Variants in XKR4 observed in about 807,000 individuals in gnomAD.
XKR4 encodes XK related 4, also known as XK-related protein 4.
XKR4 carries 12 observed loss-of-function variants against 53.9 expected under a neutral mutation model. That is an observed-to-expected ratio of 0.22 (90% confidence interval 0.14 to 0.36). The LOEUF is 0.36. Among genes scored for constraint, XKR4 ranks in the 10% least tolerant of loss-of-function variants. The pLI is 1.00. For missense variants in XKR4, 799 were observed against 859.5 expected (o/e 0.93, Z 0.88); for synonymous variants, 354 against 362.4 (o/e 0.98, Z 0.26).
intron 1 of XKR4, among the ~76,000 whole-genome samples, chr8:55,354,830 A>G (rs1009202967): frequency 6.6e-6 from 1 of 152,236 alleles, no homozygotes; most frequent in Non-Finnish European, 1.5e-5. Context: ...GAATTAGAAA[A>G]ATTCATAAAA....
chr8:55,306,126 A>C (rs1819295493), intron 1 of XKR4, among the ~76,000 whole-genome samples: 1 of 152,200 alleles, frequency 6.6e-6, no homozygotes, highest in Non-Finnish European at 1.5e-5. Context: ...GCTCCTAAAC[A>C]GAGATGAAAA....
chr8:55,420,483 G>T (rs61122696), intron 2 of XKR4, among the ~76,000 whole-genome samples: 11,861 of 138,920 alleles, frequency 0.085, 1,327 homozygotes, highest in African/African-American at 0.27. Flanking sequence ...CATGTCTTTG[G>T]AGGGACATGG....
intron 2 of XKR4, among the ~76,000 whole-genome samples, chr8:55,459,274 T>A (rs942057767): frequency 2.0e-5 from 3 of 151,970 alleles, no homozygotes; most frequent in Non-Finnish European, 4.4e-5. Context: ...TAAAAACTAC[T>A]CCAAAATAGA....
intron 1 of XKR4, among the ~76,000 whole-genome samples, chr8:55,175,949 A>G (rs1291370175): frequency 1.3e-5 from 2 of 152,246 alleles, no homozygotes; most frequent in Admixed American, 6.5e-5. Context: ...TAAGTCATAT[A>G]ATGGTCAGTT....
At chr8:55,485,182 T>C (rs911981132) in intron 2 of XKR4, among the ~76,000 whole-genome samples, 1 of 152,242 alleles carries the variant, frequency 6.6e-6, no homozygotes, top group African/African-American at 2.4e-5. Context: ...ATATGCTTTT[T>C]CTGTAAGGTC....
At chr8:55,290,395 G>C (rs1249232825) in intron 1 of XKR4, among the ~76,000 whole-genome samples, 5 of 152,106 alleles carry the variant, frequency 3.3e-5, no homozygotes, top group African/African-American at 1.2e-4. Flanking sequence ...CTCCCAAAGT[G>C]CTGGGATTAC....
At chr8:55,355,005 G>T (rs1287963618) in intron 1 of XKR4, among the ~76,000 whole-genome samples, 1 of 151,526 alleles carries the variant, frequency 6.6e-6, no homozygotes, top group Non-Finnish European at 1.5e-5. Context: ...CTGGGTTCAA[G>T]TGATTCTCCC....
intron 2 of XKR4, chr8:55,452,897 G>A (rs1027384749): frequency 1.2e-4 from 97 of 788,924 alleles, no homozygotes; most frequent in Non-Finnish European, 1.8e-4. Flanking sequence ...TCACGCAGTT[G>A]GTATAGTGGA....
At chr8:55,116,319 T>C (rs1340352269) in intron 1 of XKR4, among the ~76,000 whole-genome samples, 1 of 152,112 alleles carries the variant, frequency 6.6e-6, no homozygotes, top group Non-Finnish European at 1.5e-5. Context: ...GAAGGACTAA[T>C]CCCCAGCCAG....
intron 2 of XKR4, among the ~76,000 whole-genome samples, chr8:55,484,406 T>C (rs1806162010): frequency 6.6e-6 from 1 of 152,204 alleles, no homozygotes; most frequent in Non-Finnish European, 1.5e-5. Context: ...TGAACATAGA[T>C]GCAAAAACCA....
chr8:55,513,736 A>G (rs1297090085), intron 2 of XKR4, among the ~76,000 whole-genome samples: 2 of 152,244 alleles, frequency 1.3e-5, no homozygotes, highest in Non-Finnish European at 2.9e-5. Flanking sequence ...TCATGCAGAC[A>G]GCACCACCTA....
intron 1 of XKR4, among the ~76,000 whole-genome samples, chr8:55,259,202 C>G (rs1335449010): frequency 6.6e-6 from 1 of 152,166 alleles, no homozygotes; most frequent in Non-Finnish European, 1.5e-5. Flanking sequence ...GGGTGGGCCT[C>G]GCAGCTTTAG....
In XKR4 at chr8:55,528,233, G is replaced by C. The variant is rs1157307085; in HGVS notation, c.*4006G>C. 3 of 152,092 alleles carry C rather than the reference G, an allele frequency of 2.0e-5. No individual in the cohort carries two copies. The highest frequency in any genetic ancestry group is 2.9e-5 in the Non-Finnish European group (2 of 68,006). 9.4% of individuals were successfully genotyped at this position (152,092 alleles called of 1,614,324 possible). On this transcript the variant is annotated 3_prime_UTR_variant, in exon 3 of 3. Transcript: ENST00000327381. Reference sequence around the variant, plus strand: ...GTTGGAAATACCTAAATATAATTCAGCACTTCTTAGCTCGAATGAGTTTTA... The same window carrying C: ...GTTGGAAATACCTAAATATAATTCACCACTTCTTAGCTCGAATGAGTTTTA...
At chr8:55,272,594 T>A (rs1334763159) in intron 1 of XKR4, among the ~76,000 whole-genome samples, 3 of 152,202 alleles carry the variant, frequency 2.0e-5, no homozygotes, top group Non-Finnish European at 4.4e-5. Context: ...TGCCCCCAGA[T>A]CTGCCTTGGA....
intron 2 of XKR4, among the ~76,000 whole-genome samples, chr8:55,375,720 T>TTC (rs1420461462): frequency 6.6e-6 from 1 of 151,286 alleles, no homozygotes; most frequent in East Asian, 1.9e-4. Flanking sequence ...CTTTTTCTTT[T>TTC]TTTTTTTAAA....
chr8:55,182,896 A>G (rs768360555), intron 1 of XKR4, among the ~76,000 whole-genome samples: 3 of 151,984 alleles, frequency 2.0e-5, no homozygotes, highest in Admixed American at 6.6e-5. Context: ...GGTCCTAATT[A>G]TATCTCCCTA....
Position 55,460,571 on chromosome 8 carries a change from G to A in XKR4, c.1007-62710G>A, listed in dbSNP as rs766078785. 1.3e-5 allele frequency among the ~76,000 whole-genome samples: 2 copies of A among 152,352 alleles called. 1 individual carries two copies. Among genetic ancestry groups the A allele is most frequent in the South Asian group, 4.1e-4 (2 of 4,832 alleles). On this transcript the variant is annotated intron_variant, in intron 2 of 2. Transcript: ENST00000327381. ...AGCATGAGTGACACAGAAGATGGATGATTTCTGCATTTCCAACTGAGGTAT... is the reference window on the plus strand; with the variant it reads ...AGCATGAGTGACACAGAAGATGGATAATTTCTGCATTTCCAACTGAGGTAT...
intron 1 of XKR4, among the ~76,000 whole-genome samples, chr8:55,247,855 C>CTTTCTTTCTTTCT (rs369983175): frequency 6.7e-5 from 4 of 59,892 alleles, no homozygotes; most frequent in African/African-American, 1.8e-4. Flanking sequence ...TTCTTTCTTT[C>CTTTCTTTCTTTCT]TTTTTTTTTT....
chr8:55,303,814 G>T, intron 1 of XKR4, among the ~76,000 whole-genome samples: 1 of 152,186 alleles, frequency 6.6e-6, no homozygotes, highest in Admixed American at 6.5e-5. Flanking sequence ...TCTGATGGTA[G>T]TTTGTATTTC....
Sources: gnomAD v4.1 joint callset for allele counts (sites outside exome capture counted in the v4.1 genomes callset) on GRCh38, gnomAD v4.1.1 for gene constraint, MANE v1.5 for transcripts, NCBI Gene and HGNC (gene_info 2026-07-23, HGNC 2026-07-21) for gene names.